LMF1: variants seen among roughly 807,000 people sequenced by gnomAD.
The protein encoded by LMF1 is lipase maturation factor 1.
A neutral mutation model predicts 60.6 loss-of-function variants in LMF1; 68 were observed. The observed-to-expected ratio is 1.12, with a 90% CI of 0.92 to 1.37. The LOEUF is 1.37. Ranked by LOEUF, LMF1 falls within the 40% of genes most tolerant of loss-of-function variation. The pLI is 0.00. For missense variants in LMF1, 948 were observed against 767.2 expected (o/e 1.24, Z -2.78); for synonymous variants, 418 against 324.7 (o/e 1.29, Z -3.09).
intron 4 of LMF1, among the ~76,000 whole-genome samples, chr16:896,522 C>A (rs746401884): frequency 1.3e-5 from 2 of 152,234 alleles, no homozygotes; most frequent in Non-Finnish European, 2.9e-5. Flanking sequence ...GCACCGGAGA[C>A]TGTTTCCCGC....
intron 3 of LMF1, chr16:931,846 A>G: frequency 7.9e-7 from 1 of 1,268,354 alleles, no homozygotes; most frequent in Non-Finnish European, 1.0e-6. Context: ...TCTCAGGCGG[A>G]AAACATTAAC....
At chr16:929,349 G>T (rs1567259005) in intron 3 of LMF1, among the ~76,000 whole-genome samples, 1 of 152,238 alleles carries the variant, frequency 6.6e-6, no homozygotes, top group Non-Finnish European at 1.5e-5. Flanking sequence ...ATGGGGGACG[G>T]GGACCACGCT....
intron 6 of LMF1, among the ~76,000 whole-genome samples, chr16:875,047 G>A (rs2069932851): frequency 6.6e-6 from 1 of 152,202 alleles, no homozygotes; most frequent in South Asian, 2.1e-4. Flanking sequence ...AGGCCACGCC[G>A]CAGAGCACAG....
intron 1 of LMF1, chr16:976,234 G>C: frequency 2.2e-6 from 1 of 445,032 alleles, no homozygotes; most frequent in Non-Finnish European, 4.5e-6. Flanking sequence ...CATCCTACAA[G>C]GGCCCAAGGG....
chr16:873,492 A>G (rs953849591), intron 6 of LMF1: 2 of 152,226 alleles, frequency 1.3e-5, no homozygotes, highest in Non-Finnish European at 2.9e-5. Context: ...TGGCCCCAAG[A>G]AGGAAGAGTG....
At chr16:953,233 CTACA>C (rs2151473108) in intron 2 of LMF1, among the ~76,000 whole-genome samples, 1 of 100,306 alleles carries the variant, frequency 1.0e-5, no homozygotes, top group Non-Finnish European at 2.2e-5. Context: ...AACCAGCCTC[CTACA>C]TGTCCACACA....
intron 1 of LMF1, chr16:979,644 A>T (rs971716155): frequency 2.2e-6 from 1 of 453,970 alleles, no homozygotes; most frequent in Non-Finnish European, 4.4e-6. Context: ...ATGGGGAGCC[A>T]GGAAGAGGCC....
intron 3 of LMF1, among the ~76,000 whole-genome samples, chr16:923,289 G>A (rs1250985881): frequency 6.6e-6 from 1 of 152,196 alleles, no homozygotes; most frequent in Non-Finnish European, 1.5e-5. Context: ...ACGGTGCACT[G>A]TGGCCTACGA....
Position 918,269 on chromosome 16 carries a change from C to T in LMF1, c.515-7190G>A, listed in dbSNP as rs113205773. Among the ~76,000 whole-genome samples the T allele has an allele frequency of 6.0e-4, 92 of 152,306 alleles. 1 individual carries two copies. The South Asian group carries it at 0.013, about 21-fold the overall frequency. On this transcript the variant is annotated intron_variant, in intron 3 of 10. Transcript: ENST00000262301. ...TCAGTGACCCCTGCGCCCGGCCGCG[C>T]GGCTTGTTCGTACTTGGTTGCCGTG...
chr16:956,913 G>C (rs1047033594), intron 1 of LMF1, among the ~76,000 whole-genome samples: 2 of 151,804 alleles, frequency 1.3e-5, no homozygotes, highest in Admixed American at 6.6e-5. Context: ...CCAGCACTTT[G>C]GGAGGCTGAG....
chr16:859,168 ACGGGTGTGAGTGGTGTCT>A (rs2069334298), intron 10 of LMF1, among the ~76,000 whole-genome samples: 1 of 104,972 alleles, frequency 9.5e-6, no homozygotes, highest in African/African-American at 4.6e-5. Context: ...GTGTCTCGGG[ACGGGTGTGAGTGGTGTCT>A]CGGGACGGGT....
chr16:892,707 G>C (rs1365613409), intron 5 of LMF1, among the ~76,000 whole-genome samples: 3 of 152,232 alleles, frequency 2.0e-5, no homozygotes, highest in African/African-American at 7.2e-5. Context: ...CCAGGAAGGA[G>C]GGGCCGGCCC....
intron 3 of LMF1, among the ~76,000 whole-genome samples, chr16:923,783 G>A (rs574413585): frequency 1.3e-5 from 2 of 152,256 alleles, no homozygotes; most frequent in African/African-American, 4.8e-5. Context: ...AAATCCAGAG[G>A]CCTACAAAGC....
At chr16:913,175 G>A (rs142004389) in intron 3 of LMF1, among the ~76,000 whole-genome samples, 1,828 of 152,358 alleles carry the variant, frequency 0.012, 20 homozygotes, top group South Asian at 0.094. Flanking sequence ...TAGCCAGGGG[G>A]ACGGCTCCGG....
At chr16:911,184 C>T in intron 3 of LMF1, 105 bp from the exon 4 acceptor site, 2 of 1,310,182 alleles carry the variant, frequency 1.5e-6, no homozygotes, top group Non-Finnish European at 2.2e-6. Flanking sequence ...TGAGACAGGG[C>T]TGATCTTGCT....
chr16:877,816 G>A (rs1452458455), intron 6 of LMF1, among the ~76,000 whole-genome samples: 17 of 152,296 alleles, frequency 1.1e-4, no homozygotes, highest in East Asian at 3.9e-4. Context: ...TGAGGGACCC[G>A]CAGACAGACG....
upstream of LMF1, among the ~76,000 whole-genome samples, chr16:973,736 C>T (rs1241373663): frequency 6.6e-6 from 1 of 152,180 alleles, no homozygotes; most frequent in Non-Finnish European, 1.5e-5. Flanking sequence ...CACCGGGGCT[C>T]ACGCCTGTAA....
intron 2 of LMF1, chr16:947,713 G>T (rs1415918706): frequency 2.6e-6 from 1 of 386,474 alleles, no homozygotes; most frequent in East Asian, 7.3e-5. Context: ...CAGCAAAGCA[G>T]CCTGCAGGGC....
intron 4 of LMF1, among the ~76,000 whole-genome samples, chr16:898,264 G>A (rs2070717462): frequency 6.6e-6 from 1 of 151,626 alleles, no homozygotes; most frequent in Non-Finnish European, 1.5e-5. Context: ...GCCTGGAAGT[G>A]AATTCCCATG....
Sources: allele counts gnomAD v4.1 joint callset (sites outside exome capture counted in the v4.1 genomes callset), GRCh38; gene constraint gnomAD v4.1.1; transcripts MANE v1.5; gene names NCBI Gene and HGNC (gene_info 2026-07-23, HGNC 2026-07-21).